The following KCNIP1 variants were observed in gnomAD, a reference collection of about 807,000 sequenced individuals.
The protein encoded by KCNIP1 is potassium voltage-gated channel interacting protein 1.
A neutral mutation model predicts 33.0 loss-of-function variants in KCNIP1; 18 were observed. The ratio of observed to expected loss-of-function variants is 0.55; its 90% confidence interval spans 0.38 to 0.81. KCNIP1 has a LOEUF of 0.81. Among genes scored for constraint, KCNIP1 ranks in the 30% least tolerant of loss-of-function variants. The probability of loss-of-function intolerance (pLI) is 0.00; values close to 1 mark genes in which losing one functional copy is unlikely to be tolerated. For missense variants in KCNIP1, 238 were observed against 271.6 expected (o/e 0.88, Z 0.87); for synonymous variants, 93 against 98.3 (o/e 0.95, Z 0.32).
At chr5:170,449,066 T>C (rs1339162617) in intron 1 of KCNIP1, among the ~76,000 whole-genome samples, 4 of 152,170 alleles carry the variant, frequency 2.6e-5, no homozygotes, top group African/African-American at 9.7e-5. Flanking sequence ...CATAAGAAAG[T>C]GTCCTTGGAA....
chr5:170,411,336 T>C (rs1173348217), intron 1 of KCNIP1, among the ~76,000 whole-genome samples: 1 of 152,164 alleles, frequency 6.6e-6, no homozygotes, highest in Non-Finnish European at 1.5e-5. Flanking sequence ...TCACAGCCAA[T>C]ATGTGGCAGA....
At chr5:170,574,978 A>G (rs747507750) in intron 1 of KCNIP1, among the ~76,000 whole-genome samples, 13 of 152,132 alleles carry the variant, frequency 8.5e-5, no homozygotes, top group Non-Finnish European at 1.5e-4. Context: ...GTATTCGAAG[A>G]CCTGCTGTAC....
At chr5:170,385,522 T>G in intron 1 of KCNIP1, 1 of 1,555,072 alleles carries the variant, frequency 6.4e-7, no homozygotes. Context: ...TCACAGGTGA[T>G]CCACAGAAAG....
At chr5:170,713,785 G>A (rs1441766069) in intron 1 of KCNIP1, among the ~76,000 whole-genome samples, 4 of 152,090 alleles carry the variant, frequency 2.6e-5, no homozygotes, top group African/African-American at 4.8e-5. Context: ...ACTTTGGAAG[G>A]CCAAGGTGGG....
intron 1 of KCNIP1, among the ~76,000 whole-genome samples, chr5:170,465,286 T>A (rs542345770): frequency 9.8e-5 from 15 of 152,312 alleles, no homozygotes; most frequent in South Asian, 2.1e-4. Context: ...ATTCTGCAAA[T>A]TCCTAGGGAG....
intron 1 of KCNIP1, chr5:170,486,009 G>A (rs1489160853): frequency 6.6e-6 from 1 of 152,378 alleles, no homozygotes; most frequent in East Asian, 1.9e-4. Context: ...AACAGATGAG[G>A]ACATTACCTT....
intron 1 of KCNIP1, among the ~76,000 whole-genome samples, chr5:170,386,431 C>T (rs937078098): frequency 6.6e-6 from 1 of 152,166 alleles, no homozygotes; most frequent in Non-Finnish European, 1.5e-5. Flanking sequence ...AAATTTCTGT[C>T]GTTTGAGGCC....
At chr5:170,422,936 C>G (rs1053974071) in intron 1 of KCNIP1, 1 of 152,196 alleles carries the variant, frequency 6.6e-6, no homozygotes, top group Non-Finnish European at 1.5e-5. Flanking sequence ...AAATCCAAAA[C>G]TCAGCTGAGC....
Position 170,721,776 on chromosome 5 carries a change from G to T in KCNIP1, c.257-57G>T, listed in dbSNP as rs746009554. 15 of 1,614,088 alleles carry T rather than the reference G, an allele frequency of 9.3e-6. No homozygotes were observed. The South Asian group carries it at 1.1e-4, about 12-fold the overall frequency. ...GTCGAAGCCCTGCCTTGTTTGGAAG[G>T]TTCTCCCTGTGTGGAATTCCTGCCC... On this transcript the variant is annotated intron_variant, in intron 3 of 7. Coordinates refer to ENST00000328939, the MANE Select transcript of KCNIP1 (RefSeq NM_014592.4).
At position 170,407,936 on chromosome 5, in the gene KCNIP1, G is replaced by C. The variant is rs183214639; in HGVS notation, c.88+53972G>C. The stretch of plus-strand genomic sequence containing the variant: ...TATAGGGGTGTCCCTCAAAAAGCAT[G>C]GGCTTTGTTGAAGCACAACTTACTC... On this transcript the variant is annotated intron_variant, in intron 1 of 7. Coordinates refer to the KCNIP1 transcript ENST00000377360. Among the ~76,000 whole-genome samples the C allele has an allele frequency of 9.8e-5, 15 of 152,302 alleles. No homozygotes were observed. The East Asian group carries it at 2.9e-3, about 29-fold the overall frequency.
chr5:170,391,329 T>C (rs941993428), intron 1 of KCNIP1, among the ~76,000 whole-genome samples: 3 of 151,752 alleles, frequency 2.0e-5, no homozygotes, highest in Non-Finnish European at 4.4e-5. Flanking sequence ...CTACATATTA[T>C]TTGGAAATCA....
At chr5:170,628,404 G>A (rs942481624) in intron 1 of KCNIP1, among the ~76,000 whole-genome samples, 13 of 152,072 alleles carry the variant, frequency 8.5e-5, no homozygotes, top group Admixed American at 6.5e-4. Context: ...ACTGAGGCTC[G>A]GAGTGGTGGA....
chr5:170,586,582 T>G (rs1581362673), intron 1 of KCNIP1, among the ~76,000 whole-genome samples: 1 of 152,228 alleles, frequency 6.6e-6, no homozygotes, highest in East Asian at 1.9e-4. Context: ...CTGGGGAAAG[T>G]TACCTCATCT....
intron 1 of KCNIP1, among the ~76,000 whole-genome samples, chr5:170,588,313 G>A (rs926260957): frequency 6.6e-6 from 1 of 152,164 alleles, no homozygotes; most frequent in African/African-American, 2.4e-5. Flanking sequence ...GTCAGGAAGT[G>A]GAAATCCATG....
At chr5:170,426,911 G>A (rs949275545) in intron 1 of KCNIP1, among the ~76,000 whole-genome samples, 3 of 152,268 alleles carry the variant, frequency 2.0e-5, no homozygotes, top group African/African-American at 7.2e-5. Flanking sequence ...CCCATGTGCA[G>A]CCTTTGCGTG....
rs764918901 is a variant in KCNIP1, at chr5:170,603,395, G to A, written c.61+98762G>A. On this transcript the variant is annotated intron_variant, in intron 1 of 7. Transcript: ENST00000328939. ...ACAGAGCCCTGAGCTCAGACTCAGC[G>A]ATCGTTTTCCATTAACGGATTTACT... Among the ~76,000 whole-genome samples the A allele has an allele frequency of 4.6e-5, 7 of 152,306 alleles. No homozygotes were observed. In the South Asian group the frequency reaches 6.2e-4, roughly 14 times the overall value.
At chr5:170,514,912 G>A (rs1755068023) in intron 1 of KCNIP1, among the ~76,000 whole-genome samples, 1 of 152,216 alleles carries the variant, frequency 6.6e-6, no homozygotes, top group Non-Finnish European at 1.5e-5. Context: ...ACCACTCTAA[G>A]CGCTTTCGGT....
intron 1 of KCNIP1, among the ~76,000 whole-genome samples, chr5:170,414,028 G>A (rs566175269): frequency 6.6e-5 from 10 of 151,986 alleles, no homozygotes; most frequent in South Asian, 2.1e-4. Flanking sequence ...TCTCATCCTC[G>A]CAGTGACTAA....
chr5:170,733,987 C>A lies in KCNIP1; in HGVS notation c.603+89C>A, dbSNP rs556456725. ...CCTGCAGAAGGAAGGTGATGAGAAA[C>A]CTGCACATACCTGCAACCCCTCCCA... On this transcript the variant is annotated intron_variant, in intron 7 of 7. Coordinates refer to ENST00000328939, the MANE Select transcript of KCNIP1 (RefSeq NM_014592.4). 4.3e-6 allele frequency: 4 copies of A among 922,578 alleles called. No individual in the cohort carries two copies. The Admixed American group carries it at 8.3e-5, about 19-fold the overall frequency. 57.1% of individuals were successfully genotyped at this position (922,578 alleles called of 1,614,324 possible).
Sources: allele counts gnomAD v4.1 joint callset (sites outside exome capture counted in the v4.1 genomes callset), GRCh38; gene constraint gnomAD v4.1.1; transcripts MANE v1.5; gene names NCBI Gene and HGNC (gene_info 2026-07-23, HGNC 2026-07-21).